LOC400499: variants seen among roughly 807,000 people sequenced by gnomAD.
chr16:11,491,916 C>A, the LOC400499 span: 5 of 397,342 alleles, frequency 1.3e-5, no homozygotes, highest in Non-Finnish European at 2.2e-5. Context: ...ATGTCCCTGG[C>A]TGCAGCAGGT....
the LOC400499 span, among the ~76,000 whole-genome samples, chr16:11,436,689 G>C: frequency 1.2e-4 from 19 of 152,026 alleles, 1 homozygote; most frequent in South Asian, 3.1e-3. Context: ...CCAGGTTCAA[G>C]CAATTCTCCT....
the LOC400499 span, chr16:11,398,595 A>G: frequency 1.9e-6 from 2 of 1,030,022 alleles, no homozygotes; most frequent in Non-Finnish European, 1.2e-6. Flanking sequence ...TCACCTAGGC[A>G]AGAGCATGTG....
the LOC400499 span, chr16:11,439,443 C>T: frequency 1.5e-5 from 6 of 398,778 alleles, no homozygotes; most frequent in African/African-American, 6.2e-5. Context: ...AGAGACAACC[C>T]TTGGCAGGCG....
At chr16:11,471,572 C>T in the LOC400499 span, 7 of 398,664 alleles carry the variant, frequency 1.8e-5, no homozygotes, top group South Asian at 1.3e-4. Context: ...AGGAGCCCCA[C>T]GTCCTTTAGG....
At chr16:11,476,899 C>T in the LOC400499 span, 1 of 399,364 alleles carries the variant, frequency 2.5e-6, no homozygotes, top group East Asian at 3.6e-5. Flanking sequence ...CCCGGCCTGC[C>T]CCAGGATGCC....
At chr16:11,469,035 C>G in the LOC400499 span, 1 of 397,032 alleles carries the variant, frequency 2.5e-6, no homozygotes, top group Admixed American at 4.4e-5. Context: ...GGTAATAGAA[C>G]TAACACTTGT....
chr16:11,385,941 C>T, the LOC400499 span, among the ~76,000 whole-genome samples: 4 of 152,276 alleles, frequency 2.6e-5, no homozygotes, highest in South Asian at 6.2e-4. Flanking sequence ...GGGACTGAGG[C>T]AGGAGGATCA....
chr16:11,392,885 G>T, the LOC400499 span: 5 of 778,650 alleles, frequency 6.4e-6, no homozygotes, highest in Non-Finnish European at 7.8e-6. Context: ...ACAGAGTCTC[G>T]CTCTGTCGCC....
chr16:11,398,234 G>T, the LOC400499 span: 1 of 905,178 alleles, frequency 1.1e-6, no homozygotes. Flanking sequence ...CCACGATGGT[G>T]GCGTCTGGCT....
chr16:11,479,062 G>C, the LOC400499 span, among the ~76,000 whole-genome samples: 1 of 152,128 alleles, frequency 6.6e-6, no homozygotes, highest in Non-Finnish European at 1.5e-5. Flanking sequence ...CCAGTCCCTG[G>C]TATATCTTCA....
the LOC400499 span, among the ~76,000 whole-genome samples, chr16:11,458,100 T>G: frequency 3.4e-4 from 52 of 152,276 alleles, no homozygotes; most frequent in Non-Finnish European, 6.2e-4. Context: ...ATCCCAACAC[T>G]TTGGGAGGCC....
the LOC400499 span, chr16:11,471,984 G>A: frequency 7.6e-6 from 3 of 396,228 alleles, no homozygotes; most frequent in African/African-American, 4.1e-5. Context: ...GTAGACCAGG[G>A]TTTCTCTGCC....
the LOC400499 span, among the ~76,000 whole-genome samples, chr16:11,430,353 G>A: frequency 6.6e-6 from 1 of 152,224 alleles, no homozygotes; most frequent in Non-Finnish European, 1.5e-5. Flanking sequence ...AGCCAGGTGT[G>A]ATGCTGTGTT....
At chr16:11,448,088 A>C in the LOC400499 span, 1 of 1,531,976 alleles carries the variant, frequency 6.5e-7, no homozygotes, top group South Asian at 1.2e-5. Flanking sequence ...AACAAGATCC[A>C]GGCTGAAGAG....
chr16:11,398,350 T>G, the LOC400499 span: 1 of 1,232,282 alleles, frequency 8.1e-7, no homozygotes, highest in Non-Finnish European at 1.0e-6. Flanking sequence ...AGACTCACCC[T>G]GGGCAGGTCA....
chr16:11,520,577 G>C, the LOC400499 span, among the ~76,000 whole-genome samples: 1 of 148,412 alleles, frequency 6.7e-6, no homozygotes, highest in African/African-American at 2.5e-5. Context: ...TGACGCAGGA[G>C]AATCGCTTGA....
the LOC400499 span, among the ~76,000 whole-genome samples, chr16:11,518,224 G>A: frequency 1.3e-5 from 2 of 152,300 alleles, no homozygotes; most frequent in South Asian, 2.1e-4. Context: ...CCCCATCCTG[G>A]TATCCCTAGA....
At chr16:11,380,750 ATTC>A in the LOC400499 span, 2 of 152,192 alleles carry the variant, frequency 1.3e-5, no homozygotes, top group Non-Finnish European at 2.9e-5. Context: ...TGCAGATACC[ATTC>A]CATTGTGACA....
chr16:11,460,687 C>G, the LOC400499 span: 1 of 1,457,110 alleles, frequency 6.9e-7, no homozygotes, highest in Non-Finnish European at 9.1e-7. Flanking sequence ...GAAGGAGGGC[C>G]CGGCCCAGCC....
Sources: allele counts gnomAD v4.1 joint callset (sites outside exome capture counted in the v4.1 genomes callset), GRCh38; gene constraint gnomAD v4.1.1; transcripts MANE v1.5.